LYPD6: variants seen among roughly 807,000 people sequenced by gnomAD.
LYPD6 encodes ly6/PLAUR domain-containing protein 6.
In LYPD6, 15 loss-of-function variants were observed where a neutral mutation model predicts 22.7. That is an observed-to-expected ratio of 0.66 (90% CI 0.44 to 1.02). The LOEUF (loss-of-function observed/expected upper bound fraction) is 1.02. Ranked by LOEUF, LYPD6 falls within the 50% of genes least tolerant of loss-of-function variation. The pLI is 0.00. For missense variants in LYPD6, 189 were observed against 208.4 expected (o/e 0.91, Z 0.57); for synonymous variants, 72 against 77.5 (o/e 0.93, Z 0.37).
At position 149,435,299 on chromosome 2, in the gene LYPD6, A is replaced by G. The variant is rs191340667; in HGVS notation, c.-71-2339A>G. Among the ~76,000 whole-genome samples the G allele has an allele frequency of 2.0e-3, 303 of 152,304 alleles. 1 individual carries two copies. Among genetic ancestry groups the G allele is most frequent in the African/African-American group, 6.8e-3 (281 of 41,576 alleles). On this transcript the variant is annotated intron_variant, in intron 1 of 4. Coordinates refer to ENST00000334166, the MANE Select transcript of LYPD6 (RefSeq NM_194317.5). ...GGCAGCCTGGGCTAACTCATACACC[A>G]TGGATTTACTATCTTAATTTTGTAT...
intron 3 of LYPD6, among the ~76,000 whole-genome samples, chr2:149,468,325 C>T (rs1681252728): frequency 6.6e-6 from 1 of 152,008 alleles, no homozygotes; most frequent in South Asian, 2.1e-4. Flanking sequence ...TAAATCATCC[C>T]CGCAAAACCA....
intron 1 of LYPD6, among the ~76,000 whole-genome samples, chr2:149,412,387 T>C (rs933918564): frequency 2.0e-5 from 3 of 152,096 alleles, no homozygotes; most frequent in African/African-American, 7.2e-5. Context: ...GACTGGTGTT[T>C]AGAGATGACA....
chr2:149,465,126 G>T (rs1489107382), intron 3 of LYPD6, among the ~76,000 whole-genome samples: 1 of 152,202 alleles, frequency 6.6e-6, no homozygotes, highest in East Asian at 1.9e-4. Context: ...GAACATGGGA[G>T]AATATCGACT....
chr2:149,455,183 C>T (rs1447660234), intron 3 of LYPD6, among the ~76,000 whole-genome samples: 1 of 150,556 alleles, frequency 6.6e-6, no homozygotes, highest in Non-Finnish European at 1.5e-5. Flanking sequence ...TAATTTTATT[C>T]TGTTTCTTGG....
chr2:149,347,566 A>T (rs1681280845), intron 1 of LYPD6, among the ~76,000 whole-genome samples: 1 of 152,118 alleles, frequency 6.6e-6, no homozygotes. Flanking sequence ...AATTCAAGTT[A>T]CTTATTTTGG....
intron 1 of LYPD6, among the ~76,000 whole-genome samples, chr2:149,343,994 GTGATATA>G (rs894141927): frequency 2.0e-5 from 3 of 152,200 alleles, no homozygotes; most frequent in African/African-American, 7.2e-5. Context: ...GAAAGAAGGT[GTGATATA>G]TAATATTCAG....
intron 1 of LYPD6, among the ~76,000 whole-genome samples, chr2:149,377,292 C>T (rs958308424): frequency 2.0e-5 from 3 of 149,058 alleles, no homozygotes; most frequent in Admixed American, 1.3e-4. Flanking sequence ...CAGGAATCTG[C>T]CTGCTTGGCT....
intron 1 of LYPD6, among the ~76,000 whole-genome samples, chr2:149,422,186 C>T (rs1683095840): frequency 6.6e-6 from 1 of 152,142 alleles, no homozygotes; most frequent in South Asian, 2.1e-4. Context: ...TAGCATTGTT[C>T]AAAGTGTACT....
At chr2:149,403,668 C>T (rs1203393566) in intron 1 of LYPD6, among the ~76,000 whole-genome samples, 90 of 151,046 alleles carry the variant, frequency 6.0e-4, no homozygotes, top group African/African-American at 2.1e-3. Flanking sequence ...AAAATTTTCT[C>T]CCATTTTGTA....
At chr2:149,480,444 G>A in the LYPD6 span, among the ~76,000 whole-genome samples, 1 of 152,036 alleles carries the variant, frequency 6.6e-6, no homozygotes, top group Non-Finnish European at 1.5e-5. Context: ...CCATATCTCA[G>A]CTCATTATCA....
chr2:149,431,696 A>T (rs1559150229), intron 1 of LYPD6, among the ~76,000 whole-genome samples: 3 of 151,918 alleles, frequency 2.0e-5, no homozygotes, highest in Admixed American at 6.6e-5. Context: ...CATTGTATGC[A>T]TTTTTTTTAG....
intron 3 of LYPD6, among the ~76,000 whole-genome samples, chr2:149,458,536 A>C (rs1316521869): frequency 1.3e-5 from 2 of 152,206 alleles, no homozygotes; most frequent in Admixed American, 1.3e-4. Flanking sequence ...CCAGGCTTCA[A>C]TAAAAAAAAC....
chr2:149,365,265 A>G (rs370839058), intron 1 of LYPD6, among the ~76,000 whole-genome samples: 2 of 152,222 alleles, frequency 1.3e-5, no homozygotes, highest in South Asian at 2.1e-4. Context: ...CATGAATACT[A>G]TCTCATTTAA....
At chr2:149,366,530 A>G (rs952771918) in intron 1 of LYPD6, among the ~76,000 whole-genome samples, 1 of 152,172 alleles carries the variant, frequency 6.6e-6, no homozygotes, top group African/African-American at 2.4e-5. Context: ...GATATTATAA[A>G]CACAGAGCCA....
intron 1 of LYPD6, among the ~76,000 whole-genome samples, chr2:149,383,205 T>C (rs953429195): frequency 6.6e-6 from 1 of 152,188 alleles, no homozygotes; most frequent in Non-Finnish European, 1.5e-5. Flanking sequence ...AGGAAAATAT[T>C]AAAACTTTTC....
chr2:149,431,479 G>A (rs571225147), intron 1 of LYPD6, among the ~76,000 whole-genome samples: 4 of 152,292 alleles, frequency 2.6e-5, no homozygotes, highest in Middle Eastern at 3.4e-3. Flanking sequence ...TAGCTGTTAG[G>A]TTAATTGTGA....
chr2:149,439,815 G>A (rs184776793), intron 2 of LYPD6: 9 of 152,292 alleles, frequency 5.9e-5, no homozygotes. Context: ...TAAAGCCATG[G>A]CCTGATTAGA....
chr2:149,386,752 G>T (rs1682194764), intron 1 of LYPD6, among the ~76,000 whole-genome samples: 2 of 152,202 alleles, frequency 1.3e-5, no homozygotes, highest in Admixed American at 1.3e-4. Context: ...GGAAGTTCTG[G>T]TAGACCAAAA....
chr2:149,440,717 T>C (rs1683544841), intron 2 of LYPD6, among the ~76,000 whole-genome samples: 1 of 146,442 alleles, frequency 6.8e-6, no homozygotes, highest in African/African-American at 2.5e-5. Flanking sequence ...TTTTTTTTTT[T>C]TGAGACAGAG....
Sources: gnomAD v4.1 joint callset for allele counts (sites outside exome capture counted in the v4.1 genomes callset) on GRCh38, gnomAD v4.1.1 for gene constraint, MANE v1.5 for transcripts, NCBI Gene and HGNC (gene_info 2026-07-23, HGNC 2026-07-21) for gene names.